Variants in SPRING1 observed in about 807,000 individuals in gnomAD.
SPRING1 encodes SREBP regulating gene protein.
SPRING1 carries 14 observed loss-of-function variants against 24.7 expected under a neutral mutation model. The observed-to-expected ratio is 0.57, with a 90% CI of 0.37 to 0.88. SPRING1 has a LOEUF of 0.88. Ranked by LOEUF, SPRING1 falls within the 40% of genes least tolerant of loss-of-function variation. The pLI is 0.00. For missense variants in SPRING1, 255 were observed against 268.4 expected (o/e 0.95, Z 0.35); for synonymous variants, 93 against 106.1 (o/e 0.88, Z 0.76).
rs1460601805 is a variant in SPRING1, at chr12:116,723,127, G to C, written c.208C>G (p.Arg70Gly). The stretch of plus-strand genomic sequence containing the variant: ...GAGTTGCGGCACTGATTGCTCGGAC[G>C]ACTGCTATTGCCCAAGTTAAACTGC... ...KVQFNLGNSS[R>G]PSNQCRNSIQ... is the part of the protein sequence containing the mutation. The change falls in exon 2 of 5, where the codon CGT (arginine) becomes GGT (glycine). Residue 70 changes from arginine to glycine, a missense_variant. Coordinates refer to ENST00000261318, the MANE Select transcript of SPRING1 (RefSeq NM_024738.4). 4 of 1,613,174 alleles carry C rather than the reference G, an allele frequency of 2.5e-6. No individual in the cohort carries two copies. Among genetic ancestry groups the C allele is most frequent in the Non-Finnish European group, 3.4e-6 (4 of 1,180,040 alleles).
At chr12:116,731,727 A>T (rs895764501) in intron 1 of SPRING1, among the ~76,000 whole-genome samples, 1 of 152,140 alleles carries the variant, frequency 6.6e-6, no homozygotes, top group African/African-American at 2.4e-5. Flanking sequence ...CCCAGCCTGG[A>T]TGACAGAGCA....
rs146281512 is a variant in SPRING1, at chr12:116,720,442, C to T, written c.274G>A (p.Val92Ile). The T allele has an allele frequency of 2.4e-5, 38 of 1,613,776 alleles. No individual in the cohort carries two copies. Among genetic ancestry groups the T allele is most frequent in the African/African-American group, 2.0e-4 (15 of 74,902 alleles). ...KHLITDELGY[V>I]CERKDLLVNG... The stretch of plus-strand genomic sequence containing the variant: ...ACCAGCAAATCCTTCCTCTCGCAAA[C>T]GTAGCCTGAAAGTCAGAGACCAACC... The change falls in exon 3 of 5, where the codon GTT (valine) becomes ATT (isoleucine). Residue 92 changes from valine (V) to isoleucine (I), a missense_variant. Transcript: ENST00000261318. This position sits in a 1 kb window ranked among gnomAD's most constrained non-coding sequence, Gnocchi z 4.0.
At chr12:116,737,614 A>C (rs140449652) in intron 1 of SPRING1, among the ~76,000 whole-genome samples, 176 bp downstream of exon 1, 208 of 145,814 alleles carry the variant, frequency 1.4e-3, no homozygotes, top group Non-Finnish European at 2.4e-3. Flanking sequence ...GGGAGGTAGG[A>C]AGAAGGGAAG....
At chr12:116,722,988 T>C (rs944718004) in intron 2 of SPRING1, 79 bp downstream of exon 2, 14 of 1,555,956 alleles carry the variant, frequency 9.0e-6, no homozygotes, top group Middle Eastern at 4.7e-4. Context: ...GAGGAATCCC[T>C]ATTCAAACAA....
intron 1 of SPRING1, among the ~76,000 whole-genome samples, chr12:116,725,116 CAT>C (rs1870617898): frequency 6.6e-6 from 1 of 152,172 alleles, no homozygotes; most frequent in South Asian, 2.1e-4. Flanking sequence ...CTCTCTTACC[CAT>C]GGTTTTACTT....
Position 116,737,828 on chromosome 12 carries a change from G to A in SPRING1, c.73C>T (p.Leu25=). The change falls in exon 1 of 5, where the codon CTG becomes TTG. Residue 25 remains leucine, a synonymous_variant. Transcript: ENST00000261318. ...KRWVLALVFG[L]SLVYFLSSTF... ...CTGCTGAGGAAGTAGACGAGCGACAGCCCGAAGACCAGGGCGAGCACCCAC... is the reference window on the plus strand; with the variant it reads ...CTGCTGAGGAAGTAGACGAGCGACAACCCGAAGACCAGGGCGAGCACCCAC... The A allele has an allele frequency of 6.3e-7, 1 of 1,596,040 alleles. No homozygotes were observed.
At chr12:116,733,939 T>C (rs764915009) in intron 1 of SPRING1, among the ~76,000 whole-genome samples, 2 of 152,082 alleles carry the variant, frequency 1.3e-5, no homozygotes, top group Non-Finnish European at 2.9e-5. Context: ...TGCAGTGGCG[T>C]GATCTCGGCT....
At chr12:116,733,789 A>C (rs1009813074) in intron 1 of SPRING1, among the ~76,000 whole-genome samples, 1 of 152,084 alleles carries the variant, frequency 6.6e-6, no homozygotes, top group Non-Finnish European at 1.5e-5. Flanking sequence ...TCACGAGTTC[A>C]CTCACCACTC....
chr12:116,717,472 C>T lies in SPRING1; in HGVS notation c.*338G>A, dbSNP rs1378035150. 5 of 207,008 alleles carry T rather than the reference C, an allele frequency of 2.4e-5. No individual in the cohort carries two copies. Among genetic ancestry groups the T allele is most frequent in the Admixed American group, 1.2e-4 (2 of 16,994 alleles). 12.8% of individuals were successfully genotyped at this position (207,008 alleles called of 1,614,324 possible). Reference sequence around the variant, plus strand: ...CCTGGATCAAAACTGGAAGTGACACCGGCCCCCGATGAACACAAGTCACAG... The same window carrying T: ...CCTGGATCAAAACTGGAAGTGACACTGGCCCCCGATGAACACAAGTCACAG... On this transcript the variant is annotated 3_prime_UTR_variant, in exon 5 of 5. Transcript: ENST00000261318. The surrounding 1 kb of genome is among the most constrained non-coding windows in gnomAD (Gnocchi z 4.2).
In SPRING1 at chr12:116,712,214, G is replaced by A. The variant is rs1195927912; in HGVS notation, c.*5596C>T. On this transcript the variant is annotated 3_prime_UTR_variant, in exon 5 of 5. Transcript: ENST00000261318. ...AAGTCATTCTCTTTACTACATTAAA[G>A]TCTGCACTTTCATTTTACAGACAGT... 1.3e-5 allele frequency: 2 copies of A among 152,312 alleles called. No individual in the cohort carries two copies. The highest frequency in any genetic ancestry group is 1.3e-4 in the Admixed American group (2 of 15,304). 9.4% of individuals were successfully genotyped at this position (152,312 alleles called of 1,614,324 possible).
intron 1 of SPRING1, among the ~76,000 whole-genome samples, chr12:116,729,961 G>A (rs1350604677): frequency 3.3e-5 from 5 of 152,028 alleles, no homozygotes; most frequent in Admixed American, 3.3e-4. Flanking sequence ...GTGCAGTGGC[G>A]CAAATCTCGG....
At chr12:116,718,906 A>G (rs1870280242) in intron 4 of SPRING1, among the ~76,000 whole-genome samples, 1 of 152,236 alleles carries the variant, frequency 6.6e-6, no homozygotes, top group Non-Finnish European at 1.5e-5. Flanking sequence ...CATTTACCCA[A>G]TGATACTGAA....
rs1329489178 is a variant in SPRING1 at position 116,714,889 on chromosome 12, A to G, written c.*2921T>C. The G allele has an allele frequency of 6.6e-6, 1 of 150,818 alleles. No individual in the cohort carries two copies. Among genetic ancestry groups the G allele is most frequent in the African/African-American group, 2.4e-5 (1 of 41,034 alleles). The allele number at this position is 150,818 out of a possible 1,614,324, so 9.3% of individuals were successfully genotyped here. On this transcript the variant is annotated 3_prime_UTR_variant, in exon 5 of 5. Transcript: ENST00000261318. ...CCTCTTTTGTCCTTGCTTGTCTCAG[A>G]GCCCTTTTCACAGTCTCTTGTGTGC...
At chr12:116,725,126 C>G (rs1870618153) in intron 1 of SPRING1, among the ~76,000 whole-genome samples, 1 of 152,208 alleles carries the variant, frequency 6.6e-6, no homozygotes, top group Non-Finnish European at 1.5e-5. Context: ...CATGGTTTTA[C>G]TTTCTGAAGT....
chr12:116,721,406 G>C (rs1870430014), intron 2 of SPRING1, among the ~76,000 whole-genome samples: 1 of 152,190 alleles, frequency 6.6e-6, no homozygotes, highest in Non-Finnish European at 1.5e-5. Flanking sequence ...CAGAGAAGGA[G>C]ACTTGCTGAA....
In SPRING1 at chr12:116,734,875, G is replaced by C. The variant is rs146580949; in HGVS notation, c.111+2915C>G. Among the ~76,000 whole-genome samples, 222 of 152,330 alleles carry C rather than the reference G, an allele frequency of 1.5e-3. 1 individual carries two copies. The highest frequency in any genetic ancestry group is 5.1e-3 in the African/African-American group (210 of 41,568). ...TGCAGAGATCCTGGAAGACAATCCA[G>C]AGTTTTATCTGAGAATTTTACCTGG... On this transcript the variant is annotated intron_variant, in intron 1 of 4. Coordinates refer to ENST00000261318, the MANE Select transcript of SPRING1 (RefSeq NM_024738.4).
chr12:116,724,432 C>A (rs1413152918), intron 1 of SPRING1, among the ~76,000 whole-genome samples: 1 of 152,152 alleles, frequency 6.6e-6, no homozygotes, highest in Non-Finnish European at 1.5e-5. Flanking sequence ...AAACCTGAAA[C>A]CTGCCGGGTG....
At chr12:116,737,737 G>A in intron 1 of SPRING1, 53 bp downstream of exon 1, 1 of 1,502,306 alleles carries the variant, frequency 6.7e-7, no homozygotes, top group South Asian at 1.2e-5. Context: ...GTAAAGTAAG[G>A]GGGAGGAAGG....
chr12:116,713,214 CT>C lies in SPRING1; in HGVS notation c.*4595del, dbSNP rs1869949590. 1 of 152,240 alleles carries C rather than the reference CT, an allele frequency of 6.6e-6. No homozygotes were observed. The highest frequency in any genetic ancestry group is 6.5e-5 in the Admixed American group (1 of 15,270). The allele number at this position is 152,240 out of a possible 1,614,324, so 9.4% of individuals were successfully genotyped here. On this transcript the variant is annotated 3_prime_UTR_variant, in exon 5 of 5. Transcript: ENST00000261318. ...TGTTCCCTGGGGGGCAAAATTGCCC[CT>C]GTTGAGCACCACTGCCCTAGATGAA...
Sources: gnomAD v4.1 joint callset for allele counts (sites outside exome capture counted in the v4.1 genomes callset) on GRCh38, gnomAD v4.1.1 for gene constraint, Gnocchi (gnomAD v3.1) non-coding constraint, MANE v1.5 for transcripts, NCBI Gene and HGNC (gene_info 2026-07-23, HGNC 2026-07-21) for gene names.